Variants in RGS12 observed in about 807,000 individuals in gnomAD.
The protein encoded by RGS12 is regulator of G-protein signaling 12.
In RGS12, 66 loss-of-function variants were observed where a neutral mutation model predicts 120.1. That is an observed-to-expected ratio of 0.55 (90% CI 0.45 to 0.67). RGS12 has a LOEUF of 0.67. Ranked by LOEUF, RGS12 falls within the 30% of genes least tolerant of loss-of-function variation. The pLI is 0.00. For missense variants in RGS12, 1,859 were observed against 1,957.7 expected, an observed-to-expected ratio of 0.95 and a Z score of 0.95; for synonymous variants, 827 against 804.7, an observed-to-expected ratio of 1.03 and a Z score of -0.47.
intron 3 of RGS12, among the ~76,000 whole-genome samples, chr4:3,378,884 ACTACTG>A (rs1717962646): frequency 6.6e-6 from 1 of 152,188 alleles, no homozygotes; most frequent in Non-Finnish European, 1.5e-5. Flanking sequence ...CATATGATCC[ACTACTG>A]GGTATATCTC....
chr4:3,296,272 T>G (rs1363798029), intron 1 of RGS12, among the ~76,000 whole-genome samples: 1 of 152,118 alleles, frequency 6.6e-6, no homozygotes, highest in East Asian at 1.9e-4. Flanking sequence ...AGCCTTGAAC[T>G]CCTGGCTCAA....
intron 1 of RGS12, chr4:3,312,433 G>A (rs968286984): frequency 5.3e-5 from 11 of 207,914 alleles, no homozygotes; most frequent in Non-Finnish European, 1.1e-4. Context: ...GGTGAACACT[G>A]TGGACCTGTG....
intron 4 of RGS12, among the ~76,000 whole-genome samples, chr4:3,397,374 G>C (rs1042885909): frequency 6.6e-6 from 1 of 152,254 alleles, no homozygotes; most frequent in Admixed American, 6.5e-5. Context: ...GCAGAGCTGA[G>C]ACCTGACAGA....
chr4:3,378,661 T>G (rs1717940532), intron 3 of RGS12: 1 of 152,052 alleles, frequency 6.6e-6, no homozygotes, highest in Admixed American at 6.5e-5. Context: ...TATGCAGAGG[T>G]CTCAGCATCA....
chr4:3,336,585 G>A (rs1712491389), intron 2 of RGS12, among the ~76,000 whole-genome samples: 1 of 152,228 alleles, frequency 6.6e-6, no homozygotes, highest in South Asian at 2.1e-4. Context: ...CTGTGGGAGG[G>A]GTGGGGGTGT....
intron 3 of RGS12, among the ~76,000 whole-genome samples, chr4:3,352,920 TTCTG>T (rs1714501033): frequency 2.0e-5 from 3 of 152,244 alleles, no homozygotes. Flanking sequence ...AGCCATTGGC[TTCTG>T]TCTGACAGAC....
intron 3 of RGS12, among the ~76,000 whole-genome samples, chr4:3,376,326 C>T (rs2108918957): frequency 6.6e-6 from 1 of 151,528 alleles, no homozygotes; most frequent in African/African-American, 2.4e-5. Flanking sequence ...TGTGTCTCAG[C>T]CCCAGGTGTG....
intron 9 of RGS12, among the ~76,000 whole-genome samples, chr4:3,420,044 C>T (rs1397954104): frequency 1.3e-5 from 2 of 152,192 alleles, no homozygotes; most frequent in African/African-American, 4.8e-5. Context: ...TTGAAAAGTC[C>T]TGTGTCCGAA....
chr4:3,388,545 C>A (rs13127597), intron 4 of RGS12, among the ~76,000 whole-genome samples: 74,243 of 151,942 alleles, frequency 0.49, 18,236 homozygotes, highest in South Asian at 0.61. Context: ...AGGGGAAAGC[C>A]CTGGCTGAGA....
At chr4:3,393,904 C>T (rs982158350) in intron 4 of RGS12, among the ~76,000 whole-genome samples, 1 of 152,176 alleles carries the variant, frequency 6.6e-6, no homozygotes, top group African/African-American at 2.4e-5. Context: ...CCAGAAAGAG[C>T]AGGTTCTCCT....
chr4:3,373,786 G>A (rs560821076), intron 3 of RGS12, among the ~76,000 whole-genome samples: 26 of 152,222 alleles, frequency 1.7e-4, no homozygotes, highest in Non-Finnish European at 3.2e-4. Context: ...GAGCATCAGC[G>A]CGTCCCACTT....
intron 3 of RGS12, among the ~76,000 whole-genome samples, chr4:3,359,842 C>T (rs111336426): frequency 0.012 from 1,759 of 152,100 alleles, 49 homozygotes; most frequent in African/African-American, 0.038. Context: ...AGGCTGGTCT[C>T]GAACTCCTGA....
At chr4:3,327,232 G>A (rs1297585642) in intron 2 of RGS12, among the ~76,000 whole-genome samples, 1 of 152,130 alleles carries the variant, frequency 6.6e-6, no homozygotes, top group Admixed American at 6.5e-5. Flanking sequence ...TGGGAAAATT[G>A]GATTGCCCTG....
At chr4:3,378,880 A>T (rs1296155063) in intron 3 of RGS12, among the ~76,000 whole-genome samples, 1 of 152,224 alleles carries the variant, frequency 6.6e-6, no homozygotes, top group Non-Finnish European at 1.5e-5. Context: ...CTACCATATG[A>T]TCCACTACTG....
chr4:3,352,023 G>T (rs973699013), intron 3 of RGS12, among the ~76,000 whole-genome samples: 1 of 152,108 alleles, frequency 6.6e-6, no homozygotes, highest in Non-Finnish European at 1.5e-5. Context: ...ACAGATGTGT[G>T]TAAGCAAATC....
intron 3 of RGS12, among the ~76,000 whole-genome samples, chr4:3,379,707 G>A (rs1718069520): frequency 6.6e-6 from 1 of 152,078 alleles, no homozygotes; most frequent in African/African-American, 2.4e-5. Flanking sequence ...CAAGCAAAAG[G>A]GGGAAAGCCC....
intron 17 of RGS12, among the ~76,000 whole-genome samples, chr4:3,435,580 C>A (rs1303436743): frequency 1.3e-5 from 2 of 151,170 alleles, no homozygotes; most frequent in African/African-American, 2.4e-5. Flanking sequence ...CTCCCCAGAG[C>A]CCTGTCTCCC....
intron 17 of RGS12, among the ~76,000 whole-genome samples, chr4:3,436,122 G>A (rs1298365680): frequency 6.8e-6 from 1 of 147,992 alleles, no homozygotes; most frequent in Non-Finnish European, 1.5e-5. Flanking sequence ...CGGACAGGGG[G>A]ACCTTGGGGG....
In RGS12 at chr4:3,389,972, G is replaced by A. The variant is rs1330900939; in HGVS notation, c.2020+3535G>A. Among the ~76,000 whole-genome samples the A allele has an allele frequency of 2.0e-5, 3 of 152,124 alleles. No individual in the cohort carries two copies. Among genetic ancestry groups the A allele is most frequent in the African/African-American group, 7.2e-5 (3 of 41,512 alleles). The stretch of plus-strand genomic sequence containing the variant: ...CTGACCCCACTCTGTCCACTCAGCT[G>A]CCCCCCTACTCGTCCTCCATGCAGA... On this transcript the variant is annotated intron_variant, in intron 4 of 17. Coordinates refer to ENST00000336727, the MANE Select transcript of RGS12 (RefSeq NM_001394154.1). This position sits in a 1 kb window ranked among gnomAD's most constrained non-coding sequence, Gnocchi z 5.2.
Sources: gnomAD v4.1 joint callset for allele counts (sites outside exome capture counted in the v4.1 genomes callset) on GRCh38, gnomAD v4.1.1 for gene constraint, Gnocchi (gnomAD v3.1) non-coding constraint, MANE v1.5 for transcripts, NCBI Gene and HGNC (gene_info 2026-07-23, HGNC 2026-07-21) for gene names.